Variants in SRFBP1 observed in about 807,000 individuals in gnomAD.
The protein encoded by SRFBP1 is serum response factor-binding protein 1.
In SRFBP1, 47 loss-of-function variants were observed where a neutral mutation model predicts 45.5. That is an observed-to-expected ratio of 1.03 (90% confidence interval 0.82 to 1.32). SRFBP1 has a LOEUF of 1.32. Among genes scored for constraint, SRFBP1 ranks in the 40% most tolerant of loss-of-function variants. The probability of loss-of-function intolerance (pLI) is 0.00; values close to 1 mark genes in which losing one functional copy is unlikely to be tolerated. For missense variants in SRFBP1, 621 were observed against 484.6 expected (o/e 1.28, Z -2.64); for synonymous variants, 203 against 166.3 (o/e 1.22, Z -1.70).
chr5:121,987,408 C>T (rs1752540385), intron 3 of SRFBP1, among the ~76,000 whole-genome samples: 1 of 152,050 alleles, frequency 6.6e-6, no homozygotes, highest in African/African-American at 2.4e-5. Flanking sequence ...TAGAGTATAA[C>T]TTTATTGAAG....
At chr5:122,005,492 A>T (rs1752955963) in intron 4 of SRFBP1, among the ~76,000 whole-genome samples, 1 of 152,046 alleles carries the variant, frequency 6.6e-6, no homozygotes, top group African/African-American at 2.4e-5. Context: ...GGAATATCTT[A>T]CTTCATTTCT....
At chr5:121,997,365 C>T (rs932432095) in intron 4 of SRFBP1, among the ~76,000 whole-genome samples, 10 of 150,482 alleles carry the variant, frequency 6.6e-5, no homozygotes, top group African/African-American at 2.0e-4. Context: ...ACGCCGCATA[C>T]CTATAACTGT....
chr5:121,963,258 AT>A (rs1175839365), intron 1 of SRFBP1, among the ~76,000 whole-genome samples: 1 of 152,232 alleles, frequency 6.6e-6, no homozygotes, highest in Non-Finnish European at 1.5e-5. Flanking sequence ...CTGCTGCCAG[AT>A]TAACGAGTCA....
intron 4 of SRFBP1, among the ~76,000 whole-genome samples, chr5:122,016,829 A>T (rs1208457148): frequency 6.6e-6 from 1 of 152,216 alleles, no homozygotes. Context: ...TGAGTAGACG[A>T]CATTTCTTGG....
At chr5:122,052,018 G>A (rs930910071) in intron 2 of SRFBP1, among the ~76,000 whole-genome samples, 2 of 152,080 alleles carry the variant, frequency 1.3e-5, no homozygotes, top group Admixed American at 6.6e-5. Context: ...ACCTAGTTTG[G>A]CCACATATGA....
intron 4 of SRFBP1, among the ~76,000 whole-genome samples, chr5:122,016,646 A>G (rs887831349): frequency 9.9e-5 from 15 of 152,208 alleles, no homozygotes; most frequent in Admixed American, 4.6e-4. Flanking sequence ...TCAAGCAAGC[A>G]TGTTTGACCT....
chr5:122,008,119 A>T (rs1358739313), intron 4 of SRFBP1, among the ~76,000 whole-genome samples: 1 of 151,520 alleles, frequency 6.6e-6, no homozygotes, highest in Non-Finnish European at 1.5e-5. Flanking sequence ...ACAGGGGCTG[A>T]CCTAAATGCT....
intron 4 of SRFBP1, among the ~76,000 whole-genome samples, chr5:122,013,676 A>G (rs964324400): frequency 5.3e-5 from 8 of 152,160 alleles, no homozygotes; most frequent in Admixed American, 5.2e-4. Flanking sequence ...CATAATGAAT[A>G]AAAAATAACA....
At chr5:122,048,590 C>G (rs960248846) in intron 2 of SRFBP1, among the ~76,000 whole-genome samples, 10 of 152,050 alleles carry the variant, frequency 6.6e-5, no homozygotes, top group Non-Finnish European at 1.5e-4. Flanking sequence ...CCCTCTTTTT[C>G]TATTGATTGG....
intron 2 of SRFBP1, among the ~76,000 whole-genome samples, chr5:122,054,575 A>G (rs1169380168): frequency 6.6e-6 from 1 of 152,142 alleles, no homozygotes; most frequent in Non-Finnish European, 1.5e-5. Context: ...AACTTTATCT[A>G]CAAAATCAGG....
At chr5:122,053,802 T>C (rs1002032067) in intron 2 of SRFBP1, among the ~76,000 whole-genome samples, 1 of 152,136 alleles carries the variant, frequency 6.6e-6, no homozygotes, top group African/African-American at 2.4e-5. Context: ...CTAGCAAGCA[T>C]TGTCCTCCTG....
downstream of SRFBP1, among the ~76,000 whole-genome samples, chr5:122,029,389 A>G (rs1753556039): frequency 1.3e-5 from 2 of 152,058 alleles, no homozygotes; most frequent in African/African-American, 4.8e-5. Context: ...TGTGGAAGGC[A>G]TAGTTCCACT....
rs2112708054 is a variant in SRFBP1, at chr5:122,020,510, G to A, written c.775G>A (p.Glu259Lys). 2 of 1,614,146 alleles carry A rather than the reference G, an allele frequency of 1.2e-6. No individual in the cohort carries two copies. The highest frequency in any genetic ancestry group is 1.7e-5 in the Admixed American group (1 of 60,030). Residue 259 changes from glutamate to lysine, a missense_variant, in exon 6 of 8, where the codon GAA becomes AAA. Physicochemically the swap from Glu to Lys is moderately conservative, Grantham distance 56 (BLOSUM62 1). Transcript: ENST00000339397. ...GGEEFCEEEK[E>K]YFDDSTEERF... is the part of the protein sequence containing the mutation. ...AGAAGAATTTTGTGAAGAGGAGAAG[G>A]AATATTTTGATGATAGCACAGAAGA...
intron 1 of SRFBP1, among the ~76,000 whole-genome samples, chr5:121,966,786 A>AT (rs1252118984): frequency 9.0e-4 from 131 of 145,036 alleles, no homozygotes; most frequent in Admixed American, 3.8e-3. Context: ...TTTATTTTTT[A>AT]TTTTTTTTTT....
chr5:121,968,408 G>A (rs1325050639), intron 1 of SRFBP1, among the ~76,000 whole-genome samples: 1 of 151,974 alleles, frequency 6.6e-6, no homozygotes, highest in African/African-American at 2.4e-5. Context: ...ATTTATATTT[G>A]GAATTTTGGC....
chr5:122,013,261 T>A (rs1417361542), intron 4 of SRFBP1, among the ~76,000 whole-genome samples: 4 of 152,140 alleles, frequency 2.6e-5, no homozygotes, highest in African/African-American at 9.6e-5. Flanking sequence ...TATTTCAATA[T>A]AACAAGTAGT....
At chr5:122,019,435 A>T in intron 5 of SRFBP1, 94 bp downstream of exon 5, 1 of 984,606 alleles carries the variant, frequency 1.0e-6, no homozygotes, top group South Asian at 1.7e-5. Flanking sequence ...AGGTTCTATT[A>T]TAAATATAAG....
At chr5:122,048,564 T>C (rs1052018762) in intron 2 of SRFBP1, among the ~76,000 whole-genome samples, 19 of 152,224 alleles carry the variant, frequency 1.2e-4, no homozygotes, top group Admixed American at 7.2e-4. Flanking sequence ...CCTCATAAAA[T>C]GAGTTAGGGA....
At chr5:122,058,687 ATGT>A (rs1347340366) in intron 2 of SRFBP1, among the ~76,000 whole-genome samples, 2 of 152,104 alleles carry the variant, frequency 1.3e-5, no homozygotes, top group Admixed American at 1.3e-4. Context: ...GCTTCTAAAA[ATGT>A]TGTCATTGTT....
Sources: allele counts gnomAD v4.1 joint callset (sites outside exome capture counted in the v4.1 genomes callset), GRCh38; gene constraint gnomAD v4.1.1; transcripts MANE v1.5; gene names NCBI Gene and HGNC (gene_info 2026-07-23, HGNC 2026-07-21).